Variants in PHTF2 observed in about 807,000 individuals in gnomAD.
PHTF2 encodes putative homeodomain transcription factor 2.
In PHTF2, 60 loss-of-function variants were observed where a neutral mutation model predicts 101.2. That is an observed-to-expected ratio of 0.59 (90% confidence interval 0.48 to 0.73). PHTF2 has a LOEUF of 0.73. Among genes scored for constraint, PHTF2 ranks in the 30% least tolerant of loss-of-function variants. The pLI is 0.00. For synonymous variants in PHTF2, 311 were observed against 307.3 expected (o/e 1.01, Z -0.13); for missense variants, 747 against 908.7 (o/e 0.82, Z 2.29).
intron 16 of PHTF2, among the ~76,000 whole-genome samples, chr7:77,947,963 T>C (rs1192121629): frequency 6.7e-6 from 1 of 149,692 alleles, no homozygotes; most frequent in Non-Finnish European, 1.5e-5. Flanking sequence ...CTCAGCCTCC[T>C]GAGTAGCTGG....
At chr7:77,894,307 T>C (rs1305273547) in intron 5 of PHTF2, among the ~76,000 whole-genome samples, 1 of 152,180 alleles carries the variant, frequency 6.6e-6, no homozygotes, top group Non-Finnish European at 1.5e-5. Flanking sequence ...GGTAATAAGA[T>C]TTATATTTTT....
At chr7:77,840,194 A>G in intron 1 of PHTF2, 27 bp from the exon 2 acceptor site, 5 of 1,199,162 alleles carry the variant, frequency 4.2e-6, no homozygotes, top group Non-Finnish European at 6.2e-6. Context: ...AAATAAAGTC[A>G]TTTGTATGTT....
At chr7:77,878,367 G>A (rs994027405) in intron 3 of PHTF2, among the ~76,000 whole-genome samples, 5 of 151,988 alleles carry the variant, frequency 3.3e-5, no homozygotes, top group African/African-American at 1.2e-4. Context: ...TCTGGGTGGC[G>A]CCAGCTTGTC....
At chr7:77,879,194 A>G (rs929863341) in intron 3 of PHTF2, among the ~76,000 whole-genome samples, 4 of 152,030 alleles carry the variant, frequency 2.6e-5, no homozygotes, top group African/African-American at 9.7e-5. Context: ...TTTGAATTTG[A>G]CTTTTTGAAT....
chr7:77,900,217 A>G (rs187586718), intron 5 of PHTF2, among the ~76,000 whole-genome samples: 1 of 152,074 alleles, frequency 6.6e-6, no homozygotes, highest in African/African-American at 2.4e-5. Flanking sequence ...TGAGTAGTGC[A>G]TTGTCCTCCC....
chr7:77,854,357 C>T (rs920635096), intron 2 of PHTF2, among the ~76,000 whole-genome samples: 2 of 152,128 alleles, frequency 1.3e-5, no homozygotes, highest in Admixed American at 6.6e-5. Flanking sequence ...GATGCATGCA[C>T]CCCTTTGGCT....
At chr7:77,875,504 T>C (rs1365568257) in intron 3 of PHTF2, among the ~76,000 whole-genome samples, 1 of 151,076 alleles carries the variant, frequency 6.6e-6, no homozygotes, top group Non-Finnish European at 1.5e-5. Flanking sequence ...ATGGTTGTTA[T>C]ATTTGTTGAC....
intron 16 of PHTF2, among the ~76,000 whole-genome samples, chr7:77,945,220 C>T (rs1244699986): frequency 1.3e-5 from 2 of 152,120 alleles, no homozygotes; most frequent in Admixed American, 6.6e-5. Flanking sequence ...CGCCTGTAAT[C>T]GCAGCTGCTC....
At chr7:77,831,631 T>G (rs547929904) in intron 1 of PHTF2, among the ~76,000 whole-genome samples, 8 of 152,296 alleles carry the variant, frequency 5.3e-5, no homozygotes, top group Admixed American at 5.2e-4. Context: ...TGAGGGTATG[T>G]TATGTGCCCT....
At chr7:77,825,687 A>G (rs572337074) in intron 1 of PHTF2, among the ~76,000 whole-genome samples, 1 of 152,238 alleles carries the variant, frequency 6.6e-6, no homozygotes, top group Admixed American at 6.5e-5. Flanking sequence ...GTGTGTATGC[A>G]TAAAGACGTG....
At chr7:77,811,978 A>C (rs1336150710) in intron 1 of PHTF2, among the ~76,000 whole-genome samples, 4 of 152,250 alleles carry the variant, frequency 2.6e-5, no homozygotes, top group Non-Finnish European at 5.9e-5. Context: ...ATATAGGCAT[A>C]GGCTACATGA....
intron 19 of PHTF2, 135 bp from the exon 19 acceptor site, chr7:77,954,723 G>C (rs895667952): frequency 4.0e-6 from 2 of 494,708 alleles, no homozygotes; most frequent in Non-Finnish European, 7.3e-6. Context: ...CTTCTTAAAA[G>C]GATAAAGGAG....
chr7:77,925,216 C>T (rs1803845705), intron 11 of PHTF2, among the ~76,000 whole-genome samples: 1 of 151,916 alleles, frequency 6.6e-6, no homozygotes. Flanking sequence ...ATTTTCCTTC[C>T]ACCCCCCAAG....
chr7:77,940,845 A>G (rs976815138), intron 15 of PHTF2, among the ~76,000 whole-genome samples, 186 bp downstream of exon 14: 1 of 152,186 alleles, frequency 6.6e-6, no homozygotes, highest in Admixed American at 6.5e-5. Context: ...CCACTACTTA[A>G]AAAAGAATTT....
chr7:77,922,719 T>A (rs1315140096), exon 11 of PHTF2: 1 of 1,609,160 alleles, frequency 6.2e-7, no homozygotes, highest in Admixed American at 1.7e-5. Context: ...GGACAGGACT[T>A]CTGAAGGTGT....
chr7:77,878,658 C>T (rs1799147726), intron 3 of PHTF2, among the ~76,000 whole-genome samples: 1 of 152,048 alleles, frequency 6.6e-6, no homozygotes, highest in Admixed American at 6.6e-5. Flanking sequence ...TGGCTACTCC[C>T]AGGAATGAAC....
chr7:77,922,917 AT>A, intron 11 of PHTF2, 139 bp downstream of exon 10: 1 of 1,327,092 alleles, frequency 7.5e-7, no homozygotes. Context: ...TATGATCTGG[AT>A]TTATAAAATA....
At chr7:77,934,756 TG>T (rs1339483103) in intron 12 of PHTF2, among the ~76,000 whole-genome samples, 2 of 152,126 alleles carry the variant, frequency 1.3e-5, no homozygotes, top group African/African-American at 4.8e-5. Flanking sequence ...GAGACCAGCC[TG>T]GCAACATGGT....
intron 3 of PHTF2, among the ~76,000 whole-genome samples, chr7:77,875,698 C>T (rs1466938111): frequency 2.0e-5 from 3 of 152,066 alleles, no homozygotes; most frequent in African/African-American, 7.2e-5. Flanking sequence ...GCTGGGACTA[C>T]AGGCGCCTGC....
Sources: allele counts gnomAD v4.1 joint callset (sites outside exome capture counted in the v4.1 genomes callset), GRCh38; gene constraint gnomAD v4.1.1; transcripts MANE v1.5; gene names NCBI Gene and HGNC (gene_info 2026-07-23, HGNC 2026-07-21).